TSNAXIP1: variants seen among roughly 807,000 people sequenced by gnomAD.
TSNAXIP1 encodes the protein translin-associated factor X-interacting protein 1.
In TSNAXIP1, 89 loss-of-function variants were observed where a neutral mutation model predicts 84.8. That is an observed-to-expected ratio of 1.05 (90% CI 0.88 to 1.25). The LOEUF (loss-of-function observed/expected upper bound fraction) is 1.25. TSNAXIP1 is among the 50% of genes most tolerant of loss of function. TSNAXIP1 has a pLI of 0.00. For synonymous variants in TSNAXIP1, 347 were observed against 335.2 expected (o/e 1.04, Z -0.39); for missense variants, 874 against 887.6 (o/e 0.98, Z 0.20).
Position 67,825,725 on chromosome 16 carries a change from C to T in TSNAXIP1, c.873C>T (p.Asp291=). 1 of 1,614,172 alleles carries T rather than the reference C, an allele frequency of 6.2e-7. No homozygotes were observed. The highest frequency in any genetic ancestry group is 1.1e-5 in the South Asian group (1 of 91,084). ...LTLALKMTRQ[D]LTRTQMELNN... ...TGGCTCTTAAGATGACCCGGCAAGA[C>T]CTGACCCGCACGCAGATGGAACTCA... is the stretch of plus-strand genomic sequence containing the variant. Residue 291 remains aspartate (D), a synonymous_variant, in exon 8 of 16, where the codon GAC becomes GAT. Coordinates refer to ENST00000561639, the MANE Select transcript of TSNAXIP1 (RefSeq NM_001288990.3).
At position 67,824,645 on chromosome 16, in the gene TSNAXIP1, G is replaced by A; in HGVS notation, c.544G>A (p.Glu182Lys). Residue 182 changes from glutamate (E) to lysine (K), a missense_variant, in exon 6 of 16, where the codon GAG becomes AAG. Physicochemically the swap from Glu to Lys is moderately conservative, Grantham distance 56 (BLOSUM62 1). Coordinates refer to ENST00000561639, the MANE Select transcript of TSNAXIP1 (RefSeq NM_001288990.3). Reference sequence around the variant, plus strand: ...GAAGGCCAAGCTTGTCACTGTGAATGAGGACTGCAATGAGAGGATCCTGGC... The same window carrying A: ...GAAGGCCAAGCTTGTCACTGTGAATAAGGACTGCAATGAGAGGATCCTGGC... ...PLKAKLVTVNEDCNERILAMR... is the reference protein window; with the variant it reads ...PLKAKLVTVNKDCNERILAMR... 2.5e-6 allele frequency: 4 copies of A among 1,614,194 alleles called. No homozygotes were observed. Among genetic ancestry groups the A allele is most frequent in the East Asian group, 2.2e-5 (1 of 44,884 alleles).
rs1437308137 is a variant in TSNAXIP1 at position 67,825,936 on chromosome 16, G to A, written c.1004G>A (p.Ser335Asn). 1 of 1,614,012 alleles carries A rather than the reference G, an allele frequency of 6.2e-7. No homozygotes were observed. Among genetic ancestry groups the A allele is most frequent in the Non-Finnish European group, 8.5e-7 (1 of 1,180,044 alleles). The change falls in exon 9 of 16, where the codon AGC (serine) becomes AAC (asparagine). Residue 335 changes from serine to asparagine, a missense_variant. By Grantham distance (46) the Ser-to-Asn change is conservative. Transcript: ENST00000561639. The part of the protein sequence containing the change: ...LQEQLDTLRA[S>N]YEEVRKEHEI... Reference sequence around the variant, plus strand: ...CCACAGCTGGACACCCTGAGAGCCAGCTACGAGGAGGTTCGCAAGGAGCAT... The same window carrying A: ...CCACAGCTGGACACCCTGAGAGCCAACTACGAGGAGGTTCGCAAGGAGCAT...
chr16:67,808,828 A>G (rs59488159), intron 1 of TSNAXIP1, among the ~76,000 whole-genome samples: 1 of 152,252 alleles, frequency 6.6e-6, no homozygotes, highest in African/African-American at 2.4e-5. Context: ...TAATTTAGTA[A>G]ACTGCCATTC....
At chr16:67,819,645 CTTT>C (rs886107623) in intron 2 of TSNAXIP1, among the ~76,000 whole-genome samples, 6 of 132,460 alleles carry the variant, frequency 4.5e-5, no homozygotes, top group Non-Finnish European at 1.6e-5. Flanking sequence ...TGCTTTCCCT[CTTT>C]TTTTTTTTTT....
intron 2 of TSNAXIP1, among the ~76,000 whole-genome samples, chr16:67,814,945 G>A (rs987987860): frequency 2.6e-5 from 4 of 152,000 alleles, no homozygotes; most frequent in East Asian, 1.9e-4. Context: ...GGATCTCTCC[G>A]CCATTCCTCT....
At chr16:67,820,594 A>C (rs971614708) in intron 2 of TSNAXIP1, among the ~76,000 whole-genome samples, 1 of 152,004 alleles carries the variant, frequency 6.6e-6, no homozygotes. Flanking sequence ...AAAATACAAA[A>C]ATTAGATGGG....
Position 67,827,389 on chromosome 16 carries a change from G to A in TSNAXIP1, c.1791+14G>A, listed in dbSNP as rs191669467. On this transcript the variant is annotated intron_variant, in intron 14 of 15. Transcript: ENST00000561639. ...CTGTTTATGGAGGTGGGTGTGTGGG[G>A]TCCGGGGACTGGCCTGGCCCCTGCC... 38 of 1,614,174 alleles carry A rather than the reference G, an allele frequency of 2.4e-5. No individual in the cohort carries two copies. The Admixed American group carries it at 2.7e-4, about 11-fold the overall frequency.
At chr16:67,818,677 C>T (rs765397447) in intron 2 of TSNAXIP1, among the ~76,000 whole-genome samples, 4 of 150,518 alleles carry the variant, frequency 2.7e-5, no homozygotes, top group Middle Eastern at 6.9e-3. Flanking sequence ...AGAAGCCCAG[C>T]GTGGGCAACA....
intron 2 of TSNAXIP1, among the ~76,000 whole-genome samples, chr16:67,817,392 C>T (rs1197731036): frequency 6.8e-6 from 1 of 147,116 alleles, no homozygotes; most frequent in Non-Finnish European, 1.5e-5. Flanking sequence ...GTGATCCACC[C>T]GCCTCGGCCT....
At chr16:67,823,231 A>G (rs1240917503) in intron 4 of TSNAXIP1, among the ~76,000 whole-genome samples, 4 of 152,150 alleles carry the variant, frequency 2.6e-5, no homozygotes, top group Admixed American at 2.6e-4. Context: ...CTCATGCTGG[A>G]ATACTGCTAA....
rs2057315635 is a variant in TSNAXIP1 at position 67,824,762 on chromosome 16, A to G, written c.661A>G (p.Ile221Val). 1 of 1,613,840 alleles carries G rather than the reference A, an allele frequency of 6.2e-7. No individual in the cohort carries two copies. The highest frequency in any genetic ancestry group is 1.7e-5 in the Admixed American group (1 of 59,988). Residue 221 changes from isoleucine (I) to valine (V), a missense_variant, in exon 6 of 16, where the codon ATT (isoleucine) becomes GTT (valine). Transcript: ENST00000561639. ...CATCGACAAAAAGAATGAGGAGAAGATTTCATTGCAGAGCGAGGTGAATGG... is the reference window on the plus strand; with the variant it reads ...CATCGACAAAAAGAATGAGGAGAAGGTTTCATTGCAGAGCGAGGTGAATGG... ...KLIDKKNEEK[I>V]SLQSEVTKLR...
At chr16:67,825,098 CA>C in intron 6 of TSNAXIP1, 38 bp from the exon 7 acceptor site, 5 of 1,606,024 alleles carry the variant, frequency 3.1e-6, no homozygotes, top group Non-Finnish European at 4.3e-6. Flanking sequence ...TACAGGGGTC[CA>C]GGGGCAGCCC....
chr16:67,820,962 G>A lies in TSNAXIP1; in HGVS notation c.260+11G>A, dbSNP rs752968484. On this transcript the variant is annotated intron_variant, in intron 3 of 15. Coordinates refer to ENST00000561639, the MANE Select transcript of TSNAXIP1 (RefSeq NM_001288990.3). The stretch of plus-strand genomic sequence containing the variant: ...CCGGAAGCGAGTAGGGTAAGCCAGG[G>A]TCAGTCCCATGGTGGGTGAGCTGGC... 3.8e-6 allele frequency: 6 copies of A among 1,593,308 alleles called. No individual in the cohort carries two copies. Among genetic ancestry groups the A allele is most frequent in the South Asian group, 1.1e-5 (1 of 87,154 alleles).
intron 4 of TSNAXIP1, among the ~76,000 whole-genome samples, chr16:67,822,999 G>T (rs1458939872): frequency 6.6e-6 from 1 of 152,168 alleles, no homozygotes; most frequent in African/African-American, 2.4e-5. Context: ...ACAAGTGAGA[G>T]GCCAATGATG....
chr16:67,817,808 C>T (rs974306697), intron 2 of TSNAXIP1, among the ~76,000 whole-genome samples: 10 of 151,816 alleles, frequency 6.6e-5, no homozygotes, highest in Non-Finnish European at 1.5e-4. Context: ...ATTGCTTGAA[C>T]TTGGGAGGTG....
intron 2 of TSNAXIP1, among the ~76,000 whole-genome samples, chr16:67,819,516 C>T (rs943728465): frequency 3.3e-5 from 5 of 152,114 alleles, no homozygotes; most frequent in East Asian, 3.9e-4. Flanking sequence ...TGCTAAAAGT[C>T]GCACATCTTG....
In TSNAXIP1 at chr16:67,825,163, TGAG is replaced by T; in HGVS notation, c.709_711del (p.Glu237del). ...TGACCAAACTGAGGAAGAACTTGGC[TGAG>T]GAGTACCTGCACTACCTCAGTGAGC... On this transcript the variant is annotated inframe_deletion, in exon 7 of 16. Coordinates refer to ENST00000561639, the MANE Select transcript of TSNAXIP1 (RefSeq NM_001288990.3). The T allele has an allele frequency of 6.2e-7, 1 of 1,614,102 alleles. No individual in the cohort carries two copies. Among genetic ancestry groups the T allele is most frequent in the Non-Finnish European group, 8.5e-7 (1 of 1,180,020 alleles).
intron 4 of TSNAXIP1, among the ~76,000 whole-genome samples, chr16:67,823,095 A>G (rs1437483184): frequency 3.9e-5 from 6 of 152,228 alleles, no homozygotes; most frequent in Non-Finnish European, 5.9e-5. Flanking sequence ...TGGTCATGGC[A>G]GTCCACTAGG....
chr16:67,811,408 A>G (rs2056067090), intron 1 of TSNAXIP1, among the ~76,000 whole-genome samples: 1 of 151,556 alleles, frequency 6.6e-6, no homozygotes, highest in Non-Finnish European at 1.5e-5. Flanking sequence ...CAGCATGAGC[A>G]AGAACAGAGT....
Sources: gnomAD v4.1 joint callset for allele counts (sites outside exome capture counted in the v4.1 genomes callset) on GRCh38, gnomAD v4.1.1 for gene constraint, MANE v1.5 for transcripts, NCBI Gene and HGNC (gene_info 2026-07-23, HGNC 2026-07-21) for gene names.